Variants in ARHGAP44 observed in about 807,000 individuals in gnomAD.
ARHGAP44 encodes Rho GTPase activating protein 44.
ARHGAP44 carries 43 observed loss-of-function variants against 106.8 expected under a neutral mutation model. The ratio of observed to expected loss-of-function variants is 0.40; its 90% CI spans 0.32 to 0.52. ARHGAP44 has a LOEUF of 0.52. Ranked by LOEUF, ARHGAP44 falls within the 20% of genes least tolerant of loss-of-function variation. ARHGAP44 has a pLI of 0.48. For synonymous variants in ARHGAP44, 439 were observed against 410.3 expected, an observed-to-expected ratio of 1.07 and a Z score of -0.85; for missense variants, 866 against 1,050.5, an observed-to-expected ratio of 0.82 and a Z score of 2.43.
rs770611334 is a variant in ARHGAP44 at position 12,958,958 on chromosome 17, G to T, written c.1523+61G>T. ...TAGGGGAGGTGGTGGGGGTGGATGG[G>T]TGACGCATAAGAAAAATACAATTAC... On this transcript the variant is annotated intron_variant, in intron 16 of 20. Transcript: ENST00000379672. This position sits in a 1 kb window ranked among gnomAD's most constrained non-coding sequence, Gnocchi z 4.1. The T allele has an allele frequency of 6.5e-6, 10 of 1,540,846 alleles. No homozygotes were observed. The African/African-American group carries it at 1.4e-4, about 21-fold the overall frequency.
At position 12,990,331 on chromosome 17, in the gene ARHGAP44, C is replaced by T. The variant is rs148498085; in HGVS notation, c.*160C>T. 20 of 925,044 alleles carry T rather than the reference C, an allele frequency of 2.2e-5. No individual in the cohort carries two copies. Among genetic ancestry groups the T allele is most frequent in the African/African-American group, 1.0e-4 (6 of 60,282 alleles). The allele number at this position is 925,044 out of a possible 1,614,324, so 57.3% of individuals were successfully genotyped here. A position where few individuals can be genotyped will look rare whatever the true frequency, so the allele number is the denominator to read the frequency against. ...TGGCAGAAAATTGTGATCTCCAGTC[C>T]GTGTGGTGATGCTGGTGGTGCAGGT... On this transcript the variant is annotated 3_prime_UTR_variant, in exon 21 of 21. Coordinates refer to ENST00000379672, the MANE Select transcript of ARHGAP44 (RefSeq NM_014859.6).
chr17:12,840,918 C>T (rs1405641134), intron 1 of ARHGAP44, among the ~76,000 whole-genome samples: 1 of 152,084 alleles, frequency 6.6e-6, no homozygotes, highest in Non-Finnish European at 1.5e-5. Context: ...CTGACCTGAC[C>T]CAGCTCAGGA....
intron 1 of ARHGAP44, among the ~76,000 whole-genome samples, chr17:12,852,690 T>C (rs1317050034): frequency 2.6e-5 from 4 of 151,988 alleles, no homozygotes; most frequent in Admixed American, 2.0e-4. Context: ...TACAGGTGCC[T>C]GCCACCACGC....
intron 1 of ARHGAP44, among the ~76,000 whole-genome samples, chr17:12,834,249 G>A (rs62060436): frequency 0.13 from 19,049 of 152,060 alleles, 2,561 homozygotes; most frequent in African/African-American, 0.34. Context: ...GCTCTAAGCC[G>A]CCAAGTCCTT....
At chr17:12,841,594 T>TCTCTCTCTCACACACACACACA (rs1417307080) in intron 1 of ARHGAP44, among the ~76,000 whole-genome samples, 2 of 126,516 alleles carry the variant, frequency 1.6e-5, no homozygotes, top group African/African-American at 7.0e-5. Context: ...TGTCTCTCTC[T>TCTCTCTCTCACACACACACACA]CACACACACA....
intron 1 of ARHGAP44, among the ~76,000 whole-genome samples, chr17:12,882,393 A>G (rs544648078): frequency 2.6e-5 from 4 of 152,250 alleles, no homozygotes; most frequent in South Asian, 2.1e-4. Flanking sequence ...GAACAAACAT[A>G]TAATCTTCAA....
At position 12,917,513 on chromosome 17, in the gene ARHGAP44, T is replaced by C. The variant is rs182291978; in HGVS notation, c.387+1502T>C. On this transcript the variant is annotated intron_variant, in intron 5 of 20. Coordinates refer to ENST00000379672, the MANE Select transcript of ARHGAP44 (RefSeq NM_014859.6). Reference sequence around the variant, plus strand: ...GAGAGAGCAGAGAGAGAATCCTCCTTCTTCCACCTGTGTGTTTCAGCTAAT... The same window carrying C: ...GAGAGAGCAGAGAGAGAATCCTCCTCCTTCCACCTGTGTGTTTCAGCTAAT... Among the ~76,000 whole-genome samples, 303 of 152,248 alleles carry C rather than the reference T, an allele frequency of 2.0e-3. 2 individuals are homozygous for C. Among genetic ancestry groups the C allele is most frequent in the African/African-American group, 6.8e-3 (283 of 41,544 alleles).
chr17:12,799,690 G>A (rs893096555), intron 1 of ARHGAP44, among the ~76,000 whole-genome samples: 2 of 152,044 alleles, frequency 1.3e-5, no homozygotes, highest in African/African-American at 2.4e-5. Flanking sequence ...ACCCTCCGAC[G>A]TTCAGGTATG....
chr17:12,963,010 C>T (rs2039299994), intron 16 of ARHGAP44, among the ~76,000 whole-genome samples: 1 of 143,748 alleles, frequency 7.0e-6, no homozygotes, highest in African/African-American at 2.6e-5. Flanking sequence ...AGTGCCATTG[C>T]ACTCCAGCCT....
intron 18 of ARHGAP44, 113 bp from the exon 19 acceptor site, chr17:12,979,945 G>A (rs74868051): frequency 0.12 from 144,821 of 1,162,290 alleles, 9,964 homozygotes; most frequent in Admixed American, 0.14. Flanking sequence ...GACCAGAGCT[G>A]GGACAGACTT....
At chr17:12,803,205 C>A (rs926403893) in intron 1 of ARHGAP44, among the ~76,000 whole-genome samples, 1 of 151,604 alleles carries the variant, frequency 6.6e-6, no homozygotes, top group Non-Finnish European at 1.5e-5. Context: ...CTCCTGACCT[C>A]AGGTGATCCA....
chr17:12,878,498 C>G (rs1211226141), intron 1 of ARHGAP44, among the ~76,000 whole-genome samples: 1 of 152,210 alleles, frequency 6.6e-6, no homozygotes, highest in African/African-American at 2.4e-5. Context: ...CGCCTGTCAT[C>G]CTGTGGAATG....
chr17:12,967,492 C>G (rs1357466016), intron 16 of ARHGAP44, among the ~76,000 whole-genome samples: 1 of 152,060 alleles, frequency 6.6e-6, no homozygotes, highest in African/African-American at 2.4e-5. Context: ...ATTCTGAACC[C>G]TGCCATCATG....
chr17:12,927,749 TC>T (rs1042324968), intron 6 of ARHGAP44, among the ~76,000 whole-genome samples: 1 of 151,990 alleles, frequency 6.6e-6, no homozygotes, highest in Non-Finnish European at 1.5e-5. Context: ...AGTTCCCAGC[TC>T]CCCCTGCTCC....
chr17:12,802,988 T>A (rs866128301), intron 1 of ARHGAP44, among the ~76,000 whole-genome samples: 25 of 117,338 alleles, frequency 2.1e-4, no homozygotes, highest in African/African-American at 8.6e-4. Context: ...TTTTTTTTTT[T>A]TTGAGGCAGA....
intron 1 of ARHGAP44, among the ~76,000 whole-genome samples, chr17:12,889,804 A>G (rs190485189): frequency 6.6e-6 from 1 of 152,330 alleles, no homozygotes; most frequent in African/African-American, 2.4e-5. Flanking sequence ...GAAACAAGTA[A>G]TCTACCTTAA....
At chr17:12,810,290 A>G (rs1348745879) in intron 1 of ARHGAP44, among the ~76,000 whole-genome samples, 2 of 152,224 alleles carry the variant, frequency 1.3e-5, no homozygotes, top group Admixed American at 1.3e-4. Context: ...TTTGAAATCA[A>G]GGTGTCACCA....
rs1325663428 is a variant in ARHGAP44 at position 12,903,110 on chromosome 17, GA to G, written c.199-5786del. Reference sequence around the variant, plus strand: ...AGAGAGAGAGAGAGAGAGAGAGAGAGAGAGAGAGAGAGAGAGGAGAGAGAGA... The same window carrying G: ...AGAGAGAGAGAGAGAGAGAGAGAGAGGAGAGAGAGAGAGAGGAGAGAGAGA... On this transcript the variant is annotated intron_variant, in intron 3 of 20. Transcript: ENST00000379672. 1.9e-3 allele frequency among the ~76,000 whole-genome samples: 227 copies of G among 116,504 alleles called. 1 individual carries two copies. The highest frequency in any genetic ancestry group is 4.8e-3 in the African/African-American group (120 of 24,938). The allele number at this position is 116,504 out of a possible 152,430, so 76.4% of individuals were successfully genotyped here. A position where few individuals can be genotyped will look rare whatever the true frequency, so the allele number is the denominator to read the frequency against.
At chr17:12,891,864 G>A (rs541531623) in intron 1 of ARHGAP44, among the ~76,000 whole-genome samples, 6 of 149,802 alleles carry the variant, frequency 4.0e-5, no homozygotes, top group East Asian at 2.0e-4. Context: ...GCATGATGTC[G>A]GCTCACTGCA....
Sources: allele counts gnomAD v4.1 joint callset (sites outside exome capture counted in the v4.1 genomes callset), GRCh38; gene constraint gnomAD v4.1.1; non-coding constraint Gnocchi (gnomAD v3.1); transcripts MANE v1.5; gene names NCBI Gene and HGNC (gene_info 2026-07-23, HGNC 2026-07-21).